PCDH17: variants seen among roughly 807,000 people sequenced by gnomAD.
The protein encoded by PCDH17 is protocadherin-17.
A neutral mutation model predicts 67.7 loss-of-function variants in PCDH17; 21 were observed. The ratio of observed to expected loss-of-function variants is 0.31; its 90% confidence interval spans 0.22 to 0.45. The LOEUF is 0.45. Among genes scored for constraint, PCDH17 ranks in the 20% least tolerant of loss-of-function variants. The pLI, the probability that PCDH17 is intolerant of heterozygous loss-of-function variation, is 1.00. For synonymous variants in PCDH17, 701 were observed against 656.7 expected (o/e 1.07, Z -1.03); for missense variants, 1,471 against 1,564.8 (o/e 0.94, Z 1.01).
chr13:57,693,909 G>T (rs1217114566), intron 3 of PCDH17, among the ~76,000 whole-genome samples: 1 of 150,120 alleles, frequency 6.7e-6, no homozygotes, highest in Admixed American at 6.7e-5. Flanking sequence ...AAAGGAGGTT[G>T]CAGGAATACT....
intron 3 of PCDH17, among the ~76,000 whole-genome samples, chr13:57,667,453 T>C (rs1955268152): frequency 6.6e-6 from 1 of 152,074 alleles, no homozygotes; most frequent in Non-Finnish European, 1.5e-5. Flanking sequence ...TTTTTATTAA[T>C]TTTAATGTTT....
chr13:57,713,228 C>T (rs1434751175), intron 3 of PCDH17, among the ~76,000 whole-genome samples: 2 of 151,648 alleles, frequency 1.3e-5, no homozygotes, highest in East Asian at 1.9e-4. Flanking sequence ...ACTAGAAAAA[C>T]GGCTTGTCAT....
chr13:57,659,088 C>G (rs1253352171), intron 1 of PCDH17, among the ~76,000 whole-genome samples: 1 of 143,398 alleles, frequency 7.0e-6, no homozygotes, highest in Non-Finnish European at 1.5e-5. Context: ...CTAATTAGCA[C>G]CAAGGTTATT....
In PCDH17 at chr13:57,633,566, G is replaced by T. The variant is rs747546282; in HGVS notation, c.1020G>T (p.Lys340Asn). 3 of 1,613,510 alleles carry T rather than the reference G, an allele frequency of 1.9e-6. No homozygotes were observed. Among genetic ancestry groups the T allele is most frequent in the Non-Finnish European group, 2.5e-6 (3 of 1,180,038 alleles). Residue 340 changes from lysine (K) to asparagine (N), a missense_variant, in exon 1 of 4, where the codon AAG (lysine) becomes AAT (asparagine). Lys to Asn is a moderately conservative substitution (Grantham distance 94). Around this residue, in one of 3 missense-constraint regions of PCDH17, gnomAD observed 1,163 missense variants for 1,230.0 expected, o/e 0.95. Transcript: ENST00000377918. The surrounding 1 kb of genome is among the most constrained non-coding windows in gnomAD (Gnocchi z 6.2). ...CAGCCCACTGCAAAGTCACGGTCAA[G>T]CTCATCGACCGCAACGACAATGCGC... ...PIPAHCKVTVKLIDRNDNAPS... is the reference protein window; with the variant it reads ...PIPAHCKVTVNLIDRNDNAPS...
chr13:57,670,029 A>C (rs891950252), intron 3 of PCDH17, among the ~76,000 whole-genome samples: 1 of 152,042 alleles, frequency 6.6e-6, no homozygotes, highest in African/African-American at 2.4e-5. Flanking sequence ...CATTCAGTAG[A>C]TATTAAGTAA....
chr13:57,684,230 A>G, intron 3 of PCDH17, among the ~76,000 whole-genome samples: 1 of 151,898 alleles, frequency 6.6e-6, no homozygotes, highest in South Asian at 2.1e-4. Context: ...GAGGTTAGAA[A>G]TAAATCTCCT....
chr13:57,666,046 C>T (rs753883936), intron 1 of PCDH17, among the ~76,000 whole-genome samples: 11 of 152,052 alleles, frequency 7.2e-5, no homozygotes, highest in Non-Finnish European at 1.5e-4. Context: ...GATATTACAT[C>T]AAGAAACACA....
At position 57,632,681 on chromosome 13, in the gene PCDH17, GC is replaced by G; in HGVS notation, c.137del (p.Pro46LeufsTer72). The G allele has an allele frequency of 6.2e-7, 1 of 1,611,666 alleles. No homozygotes were observed. The highest frequency in any genetic ancestry group is 8.5e-7 in the Non-Finnish European group (1 of 1,179,922). On this transcript the variant is annotated frameshift_variant, in exon 1 of 4. Transcript: ENST00000377918. LOFTEE classifies it high-confidence loss of function. ...ACATCGGCAGGGATGCTCGACTGCA[GC>G]CTGGGCTTCCGCCTGCAGAGCGCGG... The part of the protein sequence containing the change: ...GNIGRDARLQ[P>X]GLPPAERGGG...
At chr13:57,719,627 CT>C (rs1955856761) in intron 3 of PCDH17, among the ~76,000 whole-genome samples, 1 of 152,002 alleles carries the variant, frequency 6.6e-6, no homozygotes, top group Non-Finnish European at 1.5e-5. Context: ...TCACAAATTA[CT>C]TTTGTAGTGC....
intron 3 of PCDH17, among the ~76,000 whole-genome samples, chr13:57,679,232 G>A (rs1049908586): frequency 4.0e-5 from 6 of 151,106 alleles, no homozygotes; most frequent in Non-Finnish European, 1.5e-5. Context: ...TTCTTGACAA[G>A]TTATATTGAT....
At chr13:57,694,031 CACATCTTGA>C (rs1257887084) in intron 3 of PCDH17, among the ~76,000 whole-genome samples, 1 of 150,376 alleles carries the variant, frequency 6.6e-6, no homozygotes, top group Non-Finnish European at 1.5e-5. Context: ...GTCTAGGCAG[CACATCTTGA>C]ATATTTCATA....
chr13:57,648,485 A>G (rs1954994587), intron 1 of PCDH17, among the ~76,000 whole-genome samples: 1 of 151,990 alleles, frequency 6.6e-6, no homozygotes, highest in African/African-American at 2.4e-5. Context: ...AGTTAATTAG[A>G]TAAGAGCCAT....
intron 3 of PCDH17, among the ~76,000 whole-genome samples, chr13:57,669,266 C>T (rs567935575): frequency 4.8e-4 from 73 of 151,914 alleles, no homozygotes; most frequent in African/African-American, 1.7e-3. Context: ...TGTAAGGAAA[C>T]GTTAGATCAT....
chr13:57,684,481 A>AG (rs1291471479), intron 3 of PCDH17, among the ~76,000 whole-genome samples: 1 of 151,944 alleles, frequency 6.6e-6, no homozygotes, highest in Non-Finnish European at 1.5e-5. Context: ...AAATTGTACC[A>AG]GGTTGCTAGG....
chr13:57,632,700 G>C lies in PCDH17; in HGVS notation c.154G>C (p.Glu52Gln), dbSNP rs371000718. 8.7e-5 allele frequency: 140 copies of C among 1,611,518 alleles called. No individual in the cohort carries two copies. Among genetic ancestry groups the C allele is most frequent in the Non-Finnish European group, 1.2e-4 (138 of 1,179,932 alleles). The change falls in exon 1 of 4, where the codon GAG becomes CAG. Residue 52 changes from glutamate to glutamine, a missense_variant. By Grantham distance (29) the Glu-to-Gln change is conservative. Coordinates refer to ENST00000377918, the MANE Select transcript of PCDH17 (RefSeq NM_001040429.3). Reference protein sequence around the residue: ...ARLQPGLPPAERGGGGRSKSG... With the variant: ...ARLQPGLPPAQRGGGGRSKSG... ...ACTGCAGCCTGGGCTTCCGCCTGCAGAGCGCGGCGGCGGAGGGCGCAGCAA... is the reference window on the plus strand; with the variant it reads ...ACTGCAGCCTGGGCTTCCGCCTGCACAGCGCGGCGGCGGAGGGCGCAGCAA...
In PCDH17 at chr13:57,632,903, G is replaced by A. The variant is rs1271020634; in HGVS notation, c.357G>A (p.Lys119=). The A allele has an allele frequency of 6.2e-7, 1 of 1,614,098 alleles. No individual in the cohort carries two copies. The highest frequency in any genetic ancestry group is 2.2e-5 in the East Asian group (1 of 44,844). The stretch of plus-strand genomic sequence containing the variant: ...ACGACAAGGAGATCTGCATGATCAA[G>A]GTAGAGATCCAGGACATCAACGACA... ...FANDKEICMI[K]VEIQDINDNA... Residue 119 remains lysine, a synonymous_variant, in exon 1 of 4, where the codon AAG becomes AAA. Transcript: ENST00000377918.
intron 3 of PCDH17, among the ~76,000 whole-genome samples, chr13:57,680,596 A>G (rs918338052): frequency 1.3e-5 from 2 of 151,326 alleles, no homozygotes; most frequent in Non-Finnish European, 3.0e-5. Flanking sequence ...TTTTTATTAT[A>G]CTTTAAGTTT....
chr13:57,651,158 G>A (rs1316666291), intron 1 of PCDH17, among the ~76,000 whole-genome samples: 5 of 152,086 alleles, frequency 3.3e-5, no homozygotes, highest in African/African-American at 1.2e-4. Context: ...ATTTTATAAA[G>A]AGTTGTATAT....
intron 3 of PCDH17, among the ~76,000 whole-genome samples, chr13:57,669,553 G>A (rs1432033283): frequency 6.6e-6 from 1 of 151,804 alleles, no homozygotes; most frequent in Non-Finnish European, 1.5e-5. Context: ...GTTTGTATCT[G>A]TTCATCTAGA....
Sources: gnomAD v4.1 joint callset for allele counts (sites outside exome capture counted in the v4.1 genomes callset) on GRCh38, gnomAD v4.1.1 for gene constraint, gnomAD v4.1.1 regional missense constraint, Gnocchi (gnomAD v3.1) non-coding constraint, MANE v1.5 for transcripts, NCBI Gene and HGNC (gene_info 2026-07-23, HGNC 2026-07-21) for gene names.